RAP1GDS1: variants seen among roughly 807,000 people sequenced by gnomAD.
The protein encoded by RAP1GDS1 is RAP1, GTP-GDP dissociation stimulator 1.
RAP1GDS1 carries 35 observed loss-of-function variants against 71.1 expected under a neutral mutation model. The observed-to-expected ratio is 0.49, with a 90% CI of 0.38 to 0.65. The LOEUF (loss-of-function observed/expected upper bound fraction) is 0.65, where lower values mean the gene tolerates loss of function less well. Ranked by LOEUF, RAP1GDS1 falls within the 30% of genes least tolerant of loss-of-function variation. The pLI, the probability that RAP1GDS1 is intolerant of heterozygous loss-of-function variation, is 0.00. For missense variants in RAP1GDS1, 663 were observed against 706.1 expected, an observed-to-expected ratio of 0.94 and a Z score of 0.69; for synonymous variants, 229 against 243.1, an observed-to-expected ratio of 0.94 and a Z score of 0.54.
At chr4:98,358,715 G>C (rs1415702369) in intron 4 of RAP1GDS1, among the ~76,000 whole-genome samples, 3 of 151,916 alleles carry the variant, frequency 2.0e-5, no homozygotes, top group Admixed American at 6.6e-5. Flanking sequence ...TGTTAGAATT[G>C]CTTAGAACCA....
chr4:98,369,409 C>T (rs1319299114), intron 4 of RAP1GDS1, among the ~76,000 whole-genome samples: 2 of 152,034 alleles, frequency 1.3e-5, no homozygotes, highest in Admixed American at 6.6e-5. Flanking sequence ...AAGACTTATG[C>T]GTGAATGTTC....
intron 1 of RAP1GDS1, among the ~76,000 whole-genome samples, chr4:98,275,942 CTCT>C (rs1374618881): frequency 1.3e-5 from 2 of 152,166 alleles, no homozygotes; most frequent in East Asian, 3.8e-4. Flanking sequence ...CCTGGCATCC[CTCT>C]TCTTGACCAG....
At chr4:98,374,263 G>C (rs542508011) in intron 4 of RAP1GDS1, among the ~76,000 whole-genome samples, 1 of 152,088 alleles carries the variant, frequency 6.6e-6, no homozygotes, top group Non-Finnish European at 1.5e-5. Flanking sequence ...AGTTCGCTGA[G>C]TCTTTTCTTG....
At chr4:98,302,500 A>G (rs917242941) in intron 2 of RAP1GDS1, among the ~76,000 whole-genome samples, 7 of 152,224 alleles carry the variant, frequency 4.6e-5, no homozygotes, top group African/African-American at 1.7e-4. Context: ...AAAAGATCCA[A>G]CATACATGCA....
Position 98,434,032 on chromosome 4 carries a change from G to A in RAP1GDS1, c.1537G>A (p.Ala513Thr), listed in dbSNP as rs762252511. ...AATAATGCAGAATGAAGCTCTTGTTGCTTTGGCATTAATAGCAGCTTTAGA... is the reference window on the plus strand; with the variant it reads ...AATAATGCAGAATGAAGCTCTTGTTACTTTGGCATTAATAGCAGCTTTAGA... ...HVIMQNEALV[A>T]LALIAALELG... is the part of the protein sequence containing the mutation. Residue 513 changes from alanine to threonine, a missense_variant, in exon 13 of 15, where the codon GCT becomes ACT. Ala to Thr is a moderately conservative substitution (Grantham distance 58). Coordinates refer to ENST00000408927, the MANE Select transcript of RAP1GDS1 (RefSeq NM_001100427.2). 1.2e-6 allele frequency: 2 copies of A among 1,613,832 alleles called. No individual in the cohort carries two copies. The highest frequency in any genetic ancestry group is 2.2e-5 in the South Asian group (2 of 91,066).
chr4:98,431,389 T>A (rs571149304), intron 12 of RAP1GDS1, among the ~76,000 whole-genome samples: 1 of 152,246 alleles, frequency 6.6e-6, no homozygotes, highest in Non-Finnish European at 1.5e-5. Context: ...TTCAACAGTC[T>A]TAACCTGGGT....
intron 3 of RAP1GDS1, among the ~76,000 whole-genome samples, chr4:98,348,461 T>C (rs1736643307): frequency 6.6e-6 from 1 of 152,236 alleles, no homozygotes; most frequent in Non-Finnish European, 1.5e-5. Flanking sequence ...GCATGATTTA[T>C]AATCCTTTGG....
In RAP1GDS1 at chr4:98,363,478, CAAAAAAAAAAAA is replaced by C. The variant is rs34393905; in HGVS notation, c.361+10893_361+10904del. ...CCTAAATAACAGTGAGACCCTGTCT[CAAAAAAAAAAAA>C]AAAAAAAAAAAAAAAGTGTAGTAAT... On this transcript the variant is annotated intron_variant, in intron 4 of 14. Transcript: ENST00000408927. Among the ~76,000 whole-genome samples, 13 of 37,734 alleles carry C rather than the reference CAAAAAAAAAAAA, an allele frequency of 3.4e-4. 1 individual carries two copies. The highest frequency in any genetic ancestry group is 8.9e-4 in the African/African-American group (9 of 10,104). 24.8% of individuals were successfully genotyped at this position (37,734 alleles called of 152,430 possible).
intron 3 of RAP1GDS1, among the ~76,000 whole-genome samples, chr4:98,343,710 T>G (rs1735828711): frequency 6.6e-6 from 1 of 152,220 alleles, no homozygotes; most frequent in Non-Finnish European, 1.5e-5. Context: ...ACGTTCTATT[T>G]TCTACACTCA....
chr4:98,262,778 C>A (rs913740108), intron 1 of RAP1GDS1, among the ~76,000 whole-genome samples: 1 of 152,182 alleles, frequency 6.6e-6, no homozygotes, highest in Admixed American at 6.5e-5. Context: ...TCAGAATCTT[C>A]AAGAAGTATC....
intron 4 of RAP1GDS1, among the ~76,000 whole-genome samples, chr4:98,356,517 A>C (rs997178165): frequency 1.3e-5 from 2 of 152,042 alleles, no homozygotes; most frequent in African/African-American, 4.8e-5. Context: ...TTGTTACTTG[A>C]TCTACTGGTT....
At position 98,343,558 on chromosome 4, in the gene RAP1GDS1, G is replaced by A. The variant is rs531410058; in HGVS notation, c.235+297G>A. On this transcript the variant is annotated intron_variant, in intron 3 of 14. Coordinates refer to ENST00000408927, the MANE Select transcript of RAP1GDS1 (RefSeq NM_001100427.2). Reference sequence around the variant, plus strand: ...ATAAGATTCTTGAACTTGCCACTGAGTCATTCATCTTTATTGCCATAAGAG... The same window carrying A: ...ATAAGATTCTTGAACTTGCCACTGAATCATTCATCTTTATTGCCATAAGAG... Among the ~76,000 whole-genome samples, 8 of 152,110 alleles carry A rather than the reference G, an allele frequency of 5.3e-5. No homozygotes were observed. The South Asian group carries it at 1.2e-3, about 24-fold the overall frequency.
In RAP1GDS1 at chr4:98,441,853, G is replaced by A. The variant is rs1578907000; in HGVS notation, c.1697-137G>A. 4.4e-6 allele frequency: 4 copies of A among 908,960 alleles called. No homozygotes were observed. In the East Asian group the frequency reaches 1.2e-4, roughly 27 times the overall value. 56.3% of individuals were successfully genotyped at this position (908,960 alleles called of 1,614,324 possible). ...ACATTTCTAAGAAAGACATTGCTAG[G>A]CTACTGCTATGTCTTTTTCCAGAAT... On this transcript the variant is annotated intron_variant, in intron 14 of 14. Transcript: ENST00000408927.
At chr4:98,389,151 A>G (rs556055279) in intron 5 of RAP1GDS1, among the ~76,000 whole-genome samples, 2 of 152,306 alleles carry the variant, frequency 1.3e-5, no homozygotes, top group East Asian at 3.9e-4. Flanking sequence ...GGCAAGAGCA[A>G]ATAAAATCTT....
intron 12 of RAP1GDS1, among the ~76,000 whole-genome samples, chr4:98,431,974 G>A (rs1187782190): frequency 6.6e-6 from 1 of 151,976 alleles, no homozygotes; most frequent in African/African-American, 2.4e-5. Context: ...GGGTACATGT[G>A]CACAACGTGC....
At chr4:98,305,725 G>T (rs1016996578) in intron 2 of RAP1GDS1, among the ~76,000 whole-genome samples, 1 of 152,216 alleles carries the variant, frequency 6.6e-6, no homozygotes, top group South Asian at 2.1e-4. Flanking sequence ...ATGTTGTGCA[G>T]TTGCCAGAAG....
At chr4:98,364,937 G>C (rs1441211647) in intron 4 of RAP1GDS1, among the ~76,000 whole-genome samples, 1 of 152,014 alleles carries the variant, frequency 6.6e-6, no homozygotes, top group African/African-American at 2.4e-5. Flanking sequence ...GCTGAGACTT[G>C]AGCCCAGAAA....
At chr4:98,293,835 C>G (rs559684628) in intron 2 of RAP1GDS1, among the ~76,000 whole-genome samples, 1 of 152,188 alleles carries the variant, frequency 6.6e-6, no homozygotes, top group South Asian at 2.1e-4. Context: ...TTAGCACCTA[C>G]ATCTGTGCTT....
intron 5 of RAP1GDS1, 109 bp downstream of exon 5, chr4:98,379,272 G>A (rs1578656856): frequency 2.7e-6 from 3 of 1,101,702 alleles, no homozygotes; most frequent in East Asian, 2.9e-5. Context: ...GAATTCGTAA[G>A]TGGCATATAA....
Sources: gnomAD v4.1 joint callset for allele counts (sites outside exome capture counted in the v4.1 genomes callset) on GRCh38, gnomAD v4.1.1 for gene constraint, MANE v1.5 for transcripts, NCBI Gene and HGNC (gene_info 2026-07-23, HGNC 2026-07-21) for gene names.